Variants in CSMD3 observed in about 807,000 individuals in gnomAD.
The protein encoded by CSMD3 is CUB and sushi domain-containing protein 3.
CSMD3 carries 177 observed loss-of-function variants against 435.2 expected under a neutral mutation model. That is an observed-to-expected ratio of 0.41 (90% CI 0.36 to 0.46). The LOEUF (loss-of-function observed/expected upper bound fraction) is 0.46. Among genes scored for constraint, CSMD3 ranks in the 20% least tolerant of loss-of-function variants. CSMD3 has a pLI of 0.34. For missense variants in CSMD3, 4,265 were observed against 4,504.6 expected (o/e 0.95, Z 1.52); for synonymous variants, 1,656 against 1,520.5 (o/e 1.09, Z -2.07).
intron 17 of CSMD3, among the ~76,000 whole-genome samples, chr8:112,666,038 A>C (rs908720696): frequency 6.6e-6 from 1 of 152,156 alleles, no homozygotes; most frequent in Non-Finnish European, 1.5e-5. Context: ...TTAGTAGTAC[A>C]TAAAGCAAAA....
intron 29 of CSMD3, among the ~76,000 whole-genome samples, chr8:112,504,755 C>A (rs924920558): frequency 6.6e-6 from 1 of 152,086 alleles, no homozygotes; most frequent in Admixed American, 6.6e-5. Flanking sequence ...AATTGTCCCA[C>A]AATGATCATG....
At chr8:113,322,537 A>T (rs1357540957) in intron 1 of CSMD3, among the ~76,000 whole-genome samples, 1 of 152,202 alleles carries the variant, frequency 6.6e-6, no homozygotes, top group African/African-American at 2.4e-5. Flanking sequence ...TTGTTTCATA[A>T]GAAGCATCAT....
intron 7 of CSMD3, among the ~76,000 whole-genome samples, chr8:112,970,533 A>T (rs1400574963): frequency 6.6e-6 from 1 of 151,994 alleles, no homozygotes; most frequent in Non-Finnish European, 1.5e-5. Flanking sequence ...TTTTGTAAAT[A>T]AAAAGTCAAT....
chr8:112,643,267 A>G (rs760158174), intron 20 of CSMD3, among the ~76,000 whole-genome samples: 3 of 152,150 alleles, frequency 2.0e-5, no homozygotes, highest in Non-Finnish European at 4.4e-5. Context: ...TGTCCCAAGG[A>G]GTACAGTCCT....
At chr8:113,329,771 A>G (rs1185882447) in intron 1 of CSMD3, among the ~76,000 whole-genome samples, 1 of 152,210 alleles carries the variant, frequency 6.6e-6, no homozygotes, top group Non-Finnish European at 1.5e-5. Context: ...ACAATGATTA[A>G]GGCCAAAAGT....
At chr8:112,322,089 G>A (rs901586646) in intron 45 of CSMD3, among the ~76,000 whole-genome samples, 2 of 152,112 alleles carry the variant, frequency 1.3e-5, no homozygotes, top group Non-Finnish European at 2.9e-5. Flanking sequence ...AGAGAATAGA[G>A]ATCAACTCAG....
intron 45 of CSMD3, among the ~76,000 whole-genome samples, chr8:112,334,986 G>C (rs953122258): frequency 2.0e-5 from 3 of 152,098 alleles, no homozygotes; most frequent in African/African-American, 7.2e-5. Flanking sequence ...TAAACATTTT[G>C]TATAGGAAAA....
At chr8:113,040,655 G>T (rs2087566719) in intron 5 of CSMD3, among the ~76,000 whole-genome samples, 1 of 152,126 alleles carries the variant, frequency 6.6e-6, no homozygotes, top group Non-Finnish European at 1.5e-5. Flanking sequence ...TAGGTGGAGA[G>T]CACCATCAGA....
At chr8:113,384,819 T>A (rs2094432427) in intron 1 of CSMD3, among the ~76,000 whole-genome samples, 1 of 152,152 alleles carries the variant, frequency 6.6e-6, no homozygotes, top group South Asian at 2.1e-4. Flanking sequence ...TACCACCCCT[T>A]ACTTGTGGAA....
chr8:113,231,928 A>G (rs562833601), intron 3 of CSMD3, among the ~76,000 whole-genome samples: 3 of 151,736 alleles, frequency 2.0e-5, no homozygotes, highest in Non-Finnish European at 4.4e-5. Flanking sequence ...AAGAGTCATT[A>G]GAAGTAATTT....
chr8:112,318,962 AAG>A lies in CSMD3; in HGVS notation c.7247-14_7247-13del. The A allele has an allele frequency of 6.8e-7, 1 of 1,473,986 alleles. No homozygotes were observed. Among genetic ancestry groups the A allele is most frequent in the South Asian group, 1.1e-5 (1 of 88,406 alleles). The allele number at this position is 1,473,986 out of a possible 1,614,324, so 91.3% of individuals were successfully genotyped here. Reference sequence around the variant, plus strand: ...CCTAATAATATCACCTATTAAACAAAAGAGGGGAGGTTTCATATAAGCAACAA... The same window carrying A: ...CCTAATAATATCACCTATTAAACAAAAGGGGAGGTTTCATATAAGCAACAA... On this transcript the variant is annotated splice_polypyrimidine_tract_variant and intron_variant, in intron 46 of 70. Coordinates refer to ENST00000297405, the MANE Select transcript of CSMD3 (RefSeq NM_198123.2).
chr8:112,552,771 A>G (rs1407010640), intron 25 of CSMD3, 51 bp from the exon 26 acceptor site: 1 of 1,549,504 alleles, frequency 6.5e-7, no homozygotes, highest in Non-Finnish European at 8.9e-7. Context: ...CAATCTTTTC[A>G]AAACAATCTA....
At chr8:113,135,048 C>T (rs1207101554) in intron 4 of CSMD3, among the ~76,000 whole-genome samples, 2 of 152,008 alleles carry the variant, frequency 1.3e-5, no homozygotes, top group African/African-American at 2.4e-5. Flanking sequence ...ATGATTTAAT[C>T]ACCTCTTAAA....
intron 27 of CSMD3, among the ~76,000 whole-genome samples, chr8:112,527,159 G>C (rs1056723611): frequency 6.6e-6 from 1 of 151,750 alleles, no homozygotes; most frequent in African/African-American, 2.4e-5. Flanking sequence ...AACTAAGGGA[G>C]AGAGATTTTC....
At chr8:112,929,146 C>G (rs1447862550) in intron 9 of CSMD3, among the ~76,000 whole-genome samples, 1 of 139,458 alleles carries the variant, frequency 7.2e-6, no homozygotes. Flanking sequence ...TTTGTTTTTT[C>G]TTGTAAATTT....
intron 13 of CSMD3, among the ~76,000 whole-genome samples, chr8:112,742,135 T>C (rs937108693): frequency 1.4e-4 from 21 of 152,042 alleles, no homozygotes; most frequent in African/African-American, 5.1e-4. Flanking sequence ...CACTCATCTC[T>C]CACAACAAAC....
chr8:112,896,794 ATC>A (rs1385418336), intron 10 of CSMD3, among the ~76,000 whole-genome samples: 1 of 151,386 alleles, frequency 6.6e-6, no homozygotes, highest in Non-Finnish European at 1.5e-5. Flanking sequence ...GAAAATGCAA[ATC>A]TGAATATATA....
At chr8:112,914,531 T>G (rs1160051046) in intron 10 of CSMD3, among the ~76,000 whole-genome samples, 1 of 151,524 alleles carries the variant, frequency 6.6e-6, no homozygotes, top group Non-Finnish European at 1.5e-5. Flanking sequence ...ACTTCATGCC[T>G]TAATATGAGG....
intron 3 of CSMD3, among the ~76,000 whole-genome samples, chr8:113,241,486 G>C (rs995284227): frequency 6.6e-6 from 1 of 151,302 alleles, no homozygotes; most frequent in African/African-American, 2.4e-5. Flanking sequence ...AATCTTAAAT[G>C]TTCAGAAAAA....
Sources: gnomAD v4.1 joint callset for allele counts (sites outside exome capture counted in the v4.1 genomes callset) on GRCh38, gnomAD v4.1.1 for gene constraint, MANE v1.5 for transcripts, NCBI Gene and HGNC (gene_info 2026-07-23, HGNC 2026-07-21) for gene names.